PREX1: variants seen among roughly 807,000 people sequenced by gnomAD.
PREX1 encodes the protein phosphatidylinositol-3,4,5-trisphosphate dependent Rac exchange factor 1, also known as phosphatidylinositol 3,4,5-trisphosphate-dependent Rac exchanger 1 protein.
A neutral mutation model predicts 198.3 loss-of-function variants in PREX1; 41 were observed. The ratio of observed to expected loss-of-function variants is 0.21; its 90% CI spans 0.16 to 0.27. PREX1 has a LOEUF of 0.27. PREX1 is among the 10% of genes least tolerant of loss of function. PREX1 has a pLI of 1.00. For synonymous variants in PREX1, 843 were observed against 887.2 expected, an observed-to-expected ratio of 0.95 and a Z score of 0.89; for missense variants, 1,620 against 2,200.7, an observed-to-expected ratio of 0.74 and a Z score of 5.28.
At chr20:48,678,423 T>C (rs2089724088) in intron 13 of PREX1, among the ~76,000 whole-genome samples, 1 of 151,794 alleles carries the variant, frequency 6.6e-6, no homozygotes, top group African/African-American at 2.4e-5. Flanking sequence ...TGAGCTGTGA[T>C]TGCACCACTG....
intron 5 of PREX1, among the ~76,000 whole-genome samples, chr20:48,713,034 G>C (rs1228072933): frequency 6.6e-6 from 1 of 152,228 alleles, no homozygotes; most frequent in Non-Finnish European, 1.5e-5. Flanking sequence ...TGAGGGAGGA[G>C]AATCAGTTGA....
chr20:48,661,060 T>C (rs915934660), intron 15 of PREX1, among the ~76,000 whole-genome samples: 2 of 152,166 alleles, frequency 1.3e-5, no homozygotes, highest in Non-Finnish European at 1.5e-5. Context: ...CAAAGTTGGA[T>C]ACTGTGACAA....
At chr20:48,810,747 C>T (rs2090430350) in intron 1 of PREX1, among the ~76,000 whole-genome samples, 1 of 151,768 alleles carries the variant, frequency 6.6e-6, no homozygotes, top group South Asian at 2.1e-4. Context: ...ATTAGCCAGG[C>T]ATGGTGGTGC....
chr20:48,746,701 G>A (rs1449483648), intron 2 of PREX1, among the ~76,000 whole-genome samples: 1 of 151,900 alleles, frequency 6.6e-6, no homozygotes, highest in Non-Finnish European at 1.5e-5. Flanking sequence ...ACGTAGACAC[G>A]CACTGCATTC....
chr20:48,679,633 G>C lies in PREX1; in HGVS notation c.1539+18C>G. ...CGAGGCCAGCTGAGTCAGAGTCACA[G>C]GGGCGGAGGGCCCCTACCTTGGACA... On this transcript the variant is annotated intron_variant, in intron 12 of 39. Coordinates refer to ENST00000371941, the MANE Select transcript of PREX1 (RefSeq NM_020820.4). 2 of 1,581,714 alleles carry C rather than the reference G, an allele frequency of 1.3e-6. No homozygotes were observed. Among genetic ancestry groups the C allele is most frequent in the Non-Finnish European group, 1.7e-6 (2 of 1,150,628 alleles).
At chr20:48,883,037 G>A in the PREX1 span, among the ~76,000 whole-genome samples, 10 of 150,864 alleles carry the variant, frequency 6.6e-5, no homozygotes, top group African/African-American at 1.5e-4. Context: ...GGGTTCAAGC[G>A]ACTCTCTTGC....
chr20:48,745,178 G>A (rs369135711), intron 2 of PREX1, 31 bp from the exon 3 acceptor site: 23 of 1,596,698 alleles, frequency 1.4e-5, no homozygotes, highest in Admixed American at 5.1e-5. Context: ...AGAGGACAGC[G>A]TTAAGGCTCA....
At chr20:48,887,611 C>A in the PREX1 span, among the ~76,000 whole-genome samples, 5 of 137,418 alleles carry the variant, frequency 3.6e-5, no homozygotes, top group Admixed American at 3.6e-4. Flanking sequence ...CAGAGTGAGA[C>A]CCCAACTCAA....
intron 15 of PREX1, among the ~76,000 whole-genome samples, chr20:48,664,345 AGCCTGG>A (rs1315728093): frequency 6.6e-6 from 1 of 151,510 alleles, no homozygotes; most frequent in East Asian, 1.9e-4. Flanking sequence ...ACTGCACTCC[AGCCTGG>A]GCGACAGAGC....
At chr20:48,713,185 C>T (rs144136218) in intron 5 of PREX1, among the ~76,000 whole-genome samples, 159 of 151,664 alleles carry the variant, frequency 1.0e-3, no homozygotes, top group Non-Finnish European at 1.7e-3. Context: ...GGCATGGTGG[C>T]TCACGCCTGT....
At chr20:48,658,351 G>C in intron 16 of PREX1, 123 bp from the exon 17 acceptor site, 1 of 964,686 alleles carries the variant, frequency 1.0e-6, no homozygotes, top group Non-Finnish European at 1.6e-6. Context: ...CCAGATCCAG[G>C]TGGGCGAGAC....
chr20:48,789,123 T>G (rs749677696), intron 1 of PREX1, among the ~76,000 whole-genome samples: 15 of 152,166 alleles, frequency 9.9e-5, no homozygotes, highest in Admixed American at 2.0e-4. Flanking sequence ...AAGGATTAAA[T>G]AAAACCCTGA....
In PREX1 at chr20:48,652,576, C is replaced by T. The variant is rs777894840; in HGVS notation, c.2467+10G>A. 1 of 1,602,430 alleles carries T rather than the reference C, an allele frequency of 6.2e-7. No homozygotes were observed. The highest frequency in any genetic ancestry group is 8.5e-7 in the Non-Finnish European group (1 of 1,172,810). ...TGGAAGCTCCTGTCATGCCATGCCC[C>T]GTCTATTACCTGAATCAGCCTGGTC... On this transcript the variant is annotated intron_variant, in intron 21 of 39. Coordinates refer to ENST00000371941, the MANE Select transcript of PREX1 (RefSeq NM_020820.4).
intron 4 of PREX1, among the ~76,000 whole-genome samples, chr20:48,730,097 C>G (rs1248498605): frequency 3.9e-5 from 6 of 152,124 alleles, no homozygotes; most frequent in Admixed American, 3.9e-4. Flanking sequence ...CACCGACACC[C>G]TGATTTCAGA....
intron 10 of PREX1, 62 bp downstream of exon 10, chr20:48,688,595 G>A: frequency 6.2e-7 from 1 of 1,603,108 alleles, no homozygotes; most frequent in South Asian, 1.1e-5. Context: ...GGATGGGGAT[G>A]ATCTGCCCCA....
chr20:48,802,171 C>A (rs116326711), intron 1 of PREX1, among the ~76,000 whole-genome samples: 1 of 152,024 alleles, frequency 6.6e-6, no homozygotes, highest in Admixed American at 6.6e-5. Context: ...ACTTTCTTCA[C>A]GGTAGCCAGG....
intron 1 of PREX1, among the ~76,000 whole-genome samples, chr20:48,751,968 C>T (rs1035859631): frequency 1.3e-5 from 2 of 152,118 alleles, no homozygotes; most frequent in African/African-American, 4.8e-5. Context: ...AGAAATTCAA[C>T]AAGTCTAGGG....
chr20:48,877,253 A>C, the PREX1 span, among the ~76,000 whole-genome samples: 6 of 151,890 alleles, frequency 4.0e-5, no homozygotes, highest in Admixed American at 2.0e-4. Flanking sequence ...CCTGGTCAAC[A>C]AGAGCGAAAC....
chr20:48,626,910 C>T (rs574220682), intron 39 of PREX1, among the ~76,000 whole-genome samples: 17 of 152,098 alleles, frequency 1.1e-4, no homozygotes, highest in East Asian at 9.6e-4. Flanking sequence ...ACGGAAACAA[C>T]GTCATGATCC....
Sources: allele counts gnomAD v4.1 joint callset (sites outside exome capture counted in the v4.1 genomes callset), GRCh38; gene constraint gnomAD v4.1.1; transcripts MANE v1.5; gene names NCBI Gene and HGNC (gene_info 2026-07-23, HGNC 2026-07-21).